Variants in ASAH2 observed in about 807,000 individuals in gnomAD.
ASAH2 encodes neutral ceramidase.
In ASAH2, 58 loss-of-function variants were observed where a neutral mutation model predicts 82.9. The observed-to-expected ratio is 0.70, with a 90% CI of 0.57 to 0.87. ASAH2 has a LOEUF of 0.87. Among genes scored for constraint, ASAH2 ranks in the 40% least tolerant of loss-of-function variants. The probability of loss-of-function intolerance (pLI) is 0.00; values close to 1 mark genes in which losing one functional copy is unlikely to be tolerated. For missense variants in ASAH2, 779 were observed against 834.0 expected, an observed-to-expected ratio of 0.93 and a Z score of 0.81; for synonymous variants, 276 against 289.7, an observed-to-expected ratio of 0.95 and a Z score of 0.48.
At chr10:50,201,883 GT>G (rs1306590766) in intron 16 of ASAH2, among the ~76,000 whole-genome samples, 2 of 152,122 alleles carry the variant, frequency 1.3e-5, no homozygotes, top group Admixed American at 1.3e-4. Flanking sequence ...AGCAATAAGA[GT>G]AAAAGACATT....
intron 12 of ASAH2, among the ~76,000 whole-genome samples, chr10:50,209,428 C>T (rs950804063): frequency 4.6e-5 from 7 of 152,134 alleles, no homozygotes; most frequent in Non-Finnish European, 7.3e-5. Flanking sequence ...TGTCTCACTG[C>T]AACATCTGCC....
intron 12 of ASAH2, 85 bp downstream of exon 12, chr10:50,210,738 A>G: frequency 8.5e-7 from 1 of 1,169,728 alleles, no homozygotes; most frequent in Non-Finnish European, 1.3e-6. Context: ...TAATAAATGT[A>G]TTGGCTACAA....
intron 12 of ASAH2, among the ~76,000 whole-genome samples, chr10:50,208,096 C>T (rs1163256940): frequency 6.6e-6 from 1 of 151,718 alleles, no homozygotes; most frequent in Non-Finnish European, 1.5e-5. Flanking sequence ...GAAATATTTG[C>T]CAAAAAACTA....
intron 4 of ASAH2, among the ~76,000 whole-genome samples, chr10:50,239,275 T>C (rs1482858552): frequency 6.6e-6 from 1 of 152,170 alleles, no homozygotes; most frequent in Non-Finnish European, 1.5e-5. Context: ...TTTAGCTACA[T>C]TTATTTTTCA....
intron 15 of ASAH2, among the ~76,000 whole-genome samples, chr10:50,203,192 C>T (rs1845201896): frequency 6.6e-6 from 1 of 151,950 alleles, no homozygotes; most frequent in African/African-American, 2.4e-5. Flanking sequence ...TGGCTATTAG[C>T]TAACCAGAAT....
intron 12 of ASAH2, 41 bp downstream of exon 12, chr10:50,210,782 T>G (rs1845431956): frequency 1.4e-6 from 2 of 1,462,072 alleles, no homozygotes; most frequent in Admixed American, 3.3e-5. Context: ...CCCAGAAGCT[T>G]CAGAAGCTGA....
intron 7 of ASAH2, among the ~76,000 whole-genome samples, chr10:50,228,963 G>A (rs1254010181): frequency 6.6e-6 from 1 of 152,172 alleles, no homozygotes; most frequent in Admixed American, 6.6e-5. Flanking sequence ...TTCAGTTGCA[G>A]CATCCTTGAA....
chr10:50,225,731 G>A, intron 7 of ASAH2, among the ~76,000 whole-genome samples: 1 of 152,094 alleles, frequency 6.6e-6, no homozygotes, highest in Non-Finnish European at 1.5e-5. Flanking sequence ...ATTCTCTTTG[G>A]CTCAGGAATC....
At chr10:50,224,582 T>A (rs1184550697) in intron 7 of ASAH2, among the ~76,000 whole-genome samples, 118 of 152,252 alleles carry the variant, frequency 7.8e-4, no homozygotes, top group African/African-American at 2.8e-3. Flanking sequence ...CCCAGTCTCA[T>A]TTGCAAGGTG....
intron 7 of ASAH2, among the ~76,000 whole-genome samples, chr10:50,227,442 A>G (rs1845916195): frequency 6.6e-6 from 1 of 152,216 alleles, no homozygotes; most frequent in Non-Finnish European, 1.5e-5. Context: ...TTACAGAATG[A>G]GCTTTTAGTC....
intron 3 of ASAH2, 47 bp downstream of exon 3, chr10:50,245,175 A>C: frequency 6.9e-7 from 1 of 1,440,782 alleles, no homozygotes; most frequent in Non-Finnish European, 9.7e-7. Flanking sequence ...TAAAATAATA[A>C]AATTACTTGT....
At chr10:50,238,047 T>G (rs1255687054) in intron 4 of ASAH2, among the ~76,000 whole-genome samples, 1 of 152,194 alleles carries the variant, frequency 6.6e-6, no homozygotes, top group Non-Finnish European at 1.5e-5. Context: ...GCTGTCTCTC[T>G]GGAACATACA....
chr10:50,231,020 A>G (rs1266173031), intron 7 of ASAH2, among the ~76,000 whole-genome samples: 2 of 151,076 alleles, frequency 1.3e-5, no homozygotes, highest in East Asian at 3.9e-4. Flanking sequence ...CAGCCTAGGC[A>G]GCAGAGCAAA....
In ASAH2 at chr10:50,185,853, G is replaced by A. The variant is rs4641410; in HGVS notation, c.*1462C>T. The A allele has an allele frequency of 7.2e-6, 1 of 139,728 alleles. No homozygotes were observed. Among genetic ancestry groups the A allele is most frequent in the East Asian group, 2.2e-4 (1 of 4,464 alleles). The allele number at this position is 139,728 out of a possible 1,614,324, so 8.7% of individuals were successfully genotyped here. A position where few individuals can be genotyped will look rare whatever the true frequency, so the allele number is the denominator to read the frequency against. ...ATTGTTATTATTTTCAAACCTCAAA[G>A]TTTATTTTTAAAATACAGATTGATT... On this transcript the variant is annotated 3_prime_UTR_variant, in exon 21 of 21. Coordinates refer to ENST00000682911, the MANE Select transcript of ASAH2 (RefSeq NM_019893.4).
At chr10:50,234,666 TC>T in intron 5 of ASAH2, 114 bp from the exon 6 acceptor site, 1 of 1,415,058 alleles carries the variant, frequency 7.1e-7, no homozygotes, top group Non-Finnish European at 9.9e-7. Context: ...CTCTAATGGG[TC>T]CACATTACGG....
At chr10:50,228,801 G>A (rs1300172723) in intron 7 of ASAH2, among the ~76,000 whole-genome samples, 1 of 151,998 alleles carries the variant, frequency 6.6e-6, no homozygotes, top group African/African-American at 2.4e-5. Context: ...GGAGAAGCGG[G>A]ATGAGGAGCA....
rs2133199117 is a variant in ASAH2, at chr10:50,200,720, G to T, written c.1762-1574C>A. ...TTTTCATCATTATGCCCCAGAAAGT[G>T]GCTAGCACAGTATCTGTCACAATAC... On this transcript the variant is annotated intron_variant, in intron 16 of 20. Transcript: ENST00000682911. 2.6e-5 allele frequency among the ~76,000 whole-genome samples: 4 copies of T among 152,156 alleles called. No homozygotes were observed. The South Asian group carries it at 8.3e-4, about 32-fold the overall frequency.
At chr10:50,189,233 G>GA (rs1198515179) in intron 20 of ASAH2, among the ~76,000 whole-genome samples, 15 of 144,196 alleles carry the variant, frequency 1.0e-4, no homozygotes, top group Non-Finnish European at 2.1e-4. Context: ...TGTCCATGGG[G>GA]AAAAAAAACA....
chr10:50,215,529 T>C (rs1047201448), intron 8 of ASAH2, among the ~76,000 whole-genome samples: 59 of 152,324 alleles, frequency 3.9e-4, no homozygotes, highest in African/African-American at 1.3e-3. Flanking sequence ...GCTAGCCAGT[T>C]TTCCCAACAC....
Sources: gnomAD v4.1 joint callset for allele counts (sites outside exome capture counted in the v4.1 genomes callset) on GRCh38, gnomAD v4.1.1 for gene constraint, MANE v1.5 for transcripts, NCBI Gene and HGNC (gene_info 2026-07-23, HGNC 2026-07-21) for gene names.